MMP10: variants seen among roughly 807,000 people sequenced by gnomAD.
MMP10 encodes the protein matrix metallopeptidase 10.
A neutral mutation model predicts 49.1 loss-of-function variants in MMP10; 50 were observed. The ratio of observed to expected loss-of-function variants is 1.02; its 90% CI spans 0.81 to 1.29. The LOEUF (loss-of-function observed/expected upper bound fraction) is 1.29, where lower values mean the gene tolerates loss of function less well. MMP10 is among the 50% of genes most tolerant of loss of function. The pLI is 0.00. For synonymous variants in MMP10, 229 were observed against 201.6 expected (o/e 1.14, Z -1.15); for missense variants, 613 against 563.8 (o/e 1.09, Z -0.88).
intron 4 of MMP10, among the ~76,000 whole-genome samples, chr11:102,777,384 T>G (rs149566506): frequency 1.8e-4 from 28 of 151,952 alleles, no homozygotes; most frequent in African/African-American, 6.8e-4. Flanking sequence ...GCCTCCTGAG[T>G]AGCTGTGATT....
chr11:102,772,975 C>T lies in MMP10; in HGVS notation c.1098G>A (p.Glu366=). Residue 366 remains glutamate, a synonymous_variant, in exon 8 of 10, where the codon GAG becomes GAA. Transcript: ENST00000279441. The surrounding 1 kb of genome is among the most constrained non-coding windows in gnomAD (Gnocchi z 4.4). ...TGCCTCTTGGATAACCTGCTTGTACCTCATTTCCTCTGATGGCCCAGAACT... is the reference window on the plus strand; with the variant it reads ...TGCCTCTTGGATAACCTGCTTGTACTTCATTTCCTCTGATGGCCCAGAACT... ...GNEFWAIRGN[E]VQAGYPRGIH... The T allele has an allele frequency of 6.2e-7, 1 of 1,610,634 alleles. No homozygotes were observed. The highest frequency in any genetic ancestry group is 8.5e-7 in the Non-Finnish European group (1 of 1,178,692).
At position 102,772,847 on chromosome 11, in the gene MMP10, C is replaced by T. The variant is rs766177134; in HGVS notation, c.1226G>A (p.Arg409Lys). ...GAAAGTCATTTCTCTTGCATCTCAC[C>T]TCCAGTATTTGTCCGCTGCAAAGAA... ...TYFFAADKYW[R>K]FDENSQSMEQ... The change falls in exon 8 of 10, where the codon AGA becomes AAA. Residue 409 changes from arginine (R) to lysine (K), a missense_variant and splice_region_variant. Arg to Lys is a conservative substitution (Grantham distance 26). Coordinates refer to ENST00000279441, the MANE Select transcript of MMP10 (RefSeq NM_002425.3). This position sits in a 1 kb window ranked among gnomAD's most constrained non-coding sequence, Gnocchi z 4.4. The T allele has an allele frequency of 2.9e-5, 46 of 1,605,582 alleles. No individual in the cohort carries two copies. The highest frequency in any genetic ancestry group is 3.9e-5 in the Non-Finnish European group (46 of 1,177,072).
intron 3 of MMP10, 41 bp from the exon 4 acceptor site, chr11:102,778,790 T>C (rs770071434): frequency 1.2e-6 from 2 of 1,608,910 alleles, no homozygotes; most frequent in East Asian, 2.2e-5. Flanking sequence ...GTGTTCAGAA[T>C]TTCTTTTTAC....
At position 102,779,797 on chromosome 11, in the gene MMP10, C is replaced by G. The variant is rs764404822; in HGVS notation, c.106-52G>C. ...ATTTTTGTGATTTTCCATCATTTATCCAACTTTTATAATCCATCGTAATTT... is the reference window on the plus strand; with the variant it reads ...ATTTTTGTGATTTTCCATCATTTATGCAACTTTTATAATCCATCGTAATTT... On this transcript the variant is annotated intron_variant, in intron 1 of 9. Coordinates refer to ENST00000279441, the MANE Select transcript of MMP10 (RefSeq NM_002425.3). 7 of 1,567,232 alleles carry G rather than the reference C, an allele frequency of 4.5e-6. No homozygotes were observed. The African/African-American group carries it at 9.5e-5, about 21-fold the overall frequency.
At chr11:102,777,794 A>G (rs2134351179) in intron 4 of MMP10, among the ~76,000 whole-genome samples, 1 of 152,256 alleles carries the variant, frequency 6.6e-6, no homozygotes, top group South Asian at 2.1e-4. Context: ...ATAAAAGGCA[A>G]TCATTTCATG....
At chr11:102,773,164 G>A (rs188002289) in intron 7 of MMP10, among the ~76,000 whole-genome samples, 158 bp from the exon 8 acceptor site, 189 of 152,258 alleles carry the variant, frequency 1.2e-3, no homozygotes, top group African/African-American at 4.2e-3. Flanking sequence ...CTGAATGAGC[G>A]AGTGAATGAA....
chr11:102,772,167 A>G lies in MMP10; in HGVS notation c.1227-52T>C, dbSNP rs746341145. Reference sequence around the variant, plus strand: ...CAATGATGTGCAGTAGTCCCATTACACACAATAGTATAATGTGATGTTAAT... The same window carrying G: ...CAATGATGTGCAGTAGTCCCATTACGCACAATAGTATAATGTGATGTTAAT... On this transcript the variant is annotated intron_variant, in intron 8 of 9. Transcript: ENST00000279441. The surrounding 1 kb of genome is among the most constrained non-coding windows in gnomAD (Gnocchi z 4.4). 1 of 1,119,870 alleles carries G rather than the reference A, an allele frequency of 8.9e-7. No individual in the cohort carries two copies. The highest frequency in any genetic ancestry group is 1.6e-5 in the African/African-American group (1 of 64,492). The allele number at this position is 1,119,870 out of a possible 1,614,324, so 69.4% of individuals were successfully genotyped here. A position where few individuals can be genotyped will look rare whatever the true frequency, so the allele number is the denominator to read the frequency against.
Position 102,772,108 on chromosome 11 carries a change from C to T in MMP10, c.1234G>A (p.Glu412Lys), listed in dbSNP as rs751532451. The T allele has an allele frequency of 8.7e-6, 14 of 1,605,250 alleles. No individual in the cohort carries two copies. Among genetic ancestry groups the T allele is most frequent in the Non-Finnish European group, 1.1e-5 (13 of 1,172,356 alleles). ...FAADKYWRFDENSQSMEQGFP... is the reference protein window; with the variant it reads ...FAADKYWRFDKNSQSMEQGFP... ...CCTTGCTCCATGGACTGGCTATTTT[C>T]ATCAAATCTAAACCAAATGAAAGAA... is the stretch of plus-strand genomic sequence containing the variant. The change falls in exon 9 of 10, where the codon GAA (glutamate) becomes AAA (lysine). Residue 412 changes from glutamate (E) to lysine (K), a missense_variant. Glu to Lys is a moderately conservative substitution (Grantham distance 56). Transcript: ENST00000279441. This position sits in a 1 kb window ranked among gnomAD's most constrained non-coding sequence, Gnocchi z 4.4.
chr11:102,780,487 C>G lies in MMP10; in HGVS notation c.105G>C (p.Gln35His). The G allele has an allele frequency of 6.2e-7, 1 of 1,613,724 alleles. No individual in the cohort carries two copies. Among genetic ancestry groups the G allele is most frequent in the Non-Finnish European group, 8.5e-7 (1 of 1,179,820 alleles). ...TGCAATAGATGCCACCGTTAATTAC[C>G]TGGGCAAGATCCTTGTTGGAGTCCT... ...KEEDSNKDLA[Q>H]QYLEKYYNLE... Residue 35 changes from glutamine (Q) to histidine (H), a missense_variant and splice_region_variant, in exon 1 of 10, where the codon CAG (glutamine) becomes CAC (histidine). Physicochemically the swap from Gln to His is conservative, Grantham distance 24 (BLOSUM62 0). Transcript: ENST00000279441.
Position 102,775,249 on chromosome 11 carries a change from A to C in MMP10, c.1005T>G (p.Leu335=), listed in dbSNP as rs754128124. The C allele has an allele frequency of 6.2e-7, 1 of 1,610,354 alleles. No individual in the cohort carries two copies. The highest frequency in any genetic ancestry group is 8.5e-7 in the Non-Finnish European group (1 of 1,177,872). The part of the protein sequence containing the change: ...FHLISAFWPS[L]PSYLDAAYEV... ...CATATGCAGCATCCAAATATGATGG[A>C]AGAGAGGGCCAAAATGCAGAAATCA... is the stretch of plus-strand genomic sequence containing the variant. The change falls in exon 7 of 10, where the codon CTT becomes CTG. Residue 335 remains leucine (L), a synonymous_variant. Transcript: ENST00000279441.
rs751866359 is a variant in MMP10, at chr11:102,779,718, C to T, written c.133G>A (p.Glu45Lys). Residue 45 changes from glutamate to lysine, a missense_variant, in exon 2 of 10, where the codon GAA becomes AAA. By Grantham distance (56) the Glu-to-Lys change is moderately conservative. Transcript: ENST00000279441. Reference sequence around the variant, plus strand: ...CTTCTAAACTGTTTCACATCCTTTTCGAGGTTGTAGTACTTTTCTAGGTAT... The same window carrying T: ...CTTCTAAACTGTTTCACATCCTTTTTGAGGTTGTAGTACTTTTCTAGGTAT... ...QQYLEKYYNL[E>K]KDVKQFRRKD... is the part of the protein sequence containing the mutation. The T allele has an allele frequency of 7.4e-6, 12 of 1,613,650 alleles. No individual in the cohort carries two copies. The highest frequency in any genetic ancestry group is 5.3e-5 in the African/African-American group (4 of 74,876).
Position 102,770,611 on chromosome 11 carries a change from A to T in MMP10, c.*182T>A. ...AGTATTTCTTAATTCTGTTCAGTGC[A>T]ATTCAAAAGCAAGTGAAGAATTCCA... On this transcript the variant is annotated 3_prime_UTR_variant, in exon 10 of 10. Coordinates refer to ENST00000279441, the MANE Select transcript of MMP10 (RefSeq NM_002425.3). The T allele has an allele frequency of 5.8e-6, 3 of 514,976 alleles. No individual in the cohort carries two copies. Among genetic ancestry groups the T allele is most frequent in the Non-Finnish European group, 1.0e-5 (3 of 293,764 alleles). The allele number at this position is 514,976 out of a possible 1,614,324, so 31.9% of individuals were successfully genotyped here. A position where few individuals can be genotyped will look rare whatever the true frequency, so the allele number is the denominator to read the frequency against.
rs186142535 is a variant in MMP10, at chr11:102,780,354, C to T, written c.105+133G>A. 145 of 697,294 alleles carry T rather than the reference C, an allele frequency of 2.1e-4. 3 individuals carry two copies. Among genetic ancestry groups the T allele is most frequent in the Middle Eastern group, 9.8e-4 (4 of 4,082 alleles). 43.2% of individuals were successfully genotyped at this position (697,294 alleles called of 1,614,324 possible). Reference sequence around the variant, plus strand: ...CATAAAAATAATTTCCACCTCCAGCCTGTTAATTATTCTCTGATGCTACAG... The same window carrying T: ...CATAAAAATAATTTCCACCTCCAGCTTGTTAATTATTCTCTGATGCTACAG... On this transcript the variant is annotated intron_variant, in intron 1 of 9. Transcript: ENST00000279441.
intron 7 of MMP10, among the ~76,000 whole-genome samples, chr11:102,774,177 A>C (rs1446159031): frequency 6.6e-6 from 1 of 152,212 alleles, no homozygotes; most frequent in Non-Finnish European, 1.5e-5. Context: ...ACAAAATGAA[A>C]ATACTGCATA....
At position 102,779,345 on chromosome 11, in the gene MMP10, G is replaced by T; in HGVS notation, c.364C>A (p.Pro122Thr). The T allele has an allele frequency of 6.2e-7, 1 of 1,614,070 alleles. No homozygotes were observed. Among genetic ancestry groups the T allele is most frequent in the Non-Finnish European group, 8.5e-7 (1 of 1,179,990 alleles). Reference sequence around the variant, plus strand: ...TCAACAGCATCTCTTGGCAAATCTGGTGTATAATTCACAATCCTGGAGGAG... The same window carrying T: ...TCAACAGCATCTCTTGGCAAATCTGTTGTATAATTCACAATCCTGGAGGAG... ...HLTYRIVNYT[P>T]DLPRDAVDSA... The change falls in exon 3 of 10, where the codon CCA (proline) becomes ACA (threonine). Residue 122 changes from proline to threonine, a missense_variant. Pro to Thr is a conservative substitution (Grantham distance 38). Coordinates refer to ENST00000279441, the MANE Select transcript of MMP10 (RefSeq NM_002425.3).
rs754213464 is a variant in MMP10, at chr11:102,770,612, A to T, written c.*181T>A. On this transcript the variant is annotated 3_prime_UTR_variant, in exon 10 of 10. Transcript: ENST00000279441. ...GTATTTCTTAATTCTGTTCAGTGCAATTCAAAAGCAAGTGAAGAATTCCAG... is the reference window on the plus strand; with the variant it reads ...GTATTTCTTAATTCTGTTCAGTGCATTTCAAAAGCAAGTGAAGAATTCCAG... 1.5e-5 allele frequency: 8 copies of T among 516,482 alleles called. No homozygotes were observed. The highest frequency in any genetic ancestry group is 2.7e-5 in the Non-Finnish European group (8 of 294,704). 32.0% of individuals were successfully genotyped at this position (516,482 alleles called of 1,614,324 possible). A position where few individuals can be genotyped will look rare whatever the true frequency, so the allele number is the denominator to read the frequency against.
intron 4 of MMP10, among the ~76,000 whole-genome samples, chr11:102,777,283 TTCA>T (rs1375260506): frequency 2.6e-5 from 4 of 152,146 alleles, no homozygotes; most frequent in Non-Finnish European, 4.4e-5. Flanking sequence ...CTTCCTCCTC[TTCA>T]TCATACTCAA....
intron 3 of MMP10, 81 bp from the exon 4 acceptor site, chr11:102,778,830 A>G (rs1356922977): frequency 4.6e-6 from 7 of 1,519,358 alleles, no homozygotes; most frequent in Non-Finnish European, 6.3e-6. Flanking sequence ...AGTAGATTCT[A>G]TAGTCTGAAT....
In MMP10 at chr11:102,778,824, G is replaced by T. The variant is rs1486428825; in HGVS notation, c.497-75C>A. On this transcript the variant is annotated intron_variant, in intron 3 of 9. Coordinates refer to ENST00000279441, the MANE Select transcript of MMP10 (RefSeq NM_002425.3). ...ACCCTGTTCCAATTAAACAACAGTAGATTCTATAGTCTGAATGTTGGTGTC... is the reference window on the plus strand; with the variant it reads ...ACCCTGTTCCAATTAAACAACAGTATATTCTATAGTCTGAATGTTGGTGTC... 4.6e-6 allele frequency: 7 copies of T among 1,534,138 alleles called. No homozygotes were observed. In the Admixed American group the frequency reaches 5.6e-5, roughly 12 times the overall value.
Sources: gnomAD v4.1 joint callset for allele counts (sites outside exome capture counted in the v4.1 genomes callset) on GRCh38, gnomAD v4.1.1 for gene constraint, Gnocchi (gnomAD v3.1) non-coding constraint, MANE v1.5 for transcripts, NCBI Gene and HGNC (gene_info 2026-07-23, HGNC 2026-07-21) for gene names.